Variants in HSD17B2 observed in about 807,000 individuals in gnomAD.
The protein encoded by HSD17B2 is hydroxysteroid 17-beta dehydrogenase 2.
HSD17B2 carries 32 observed loss-of-function variants against 26.9 expected under a neutral mutation model. The ratio of observed to expected loss-of-function variants is 1.19; its 90% CI spans 0.90 to 1.60. The LOEUF is 1.60. Ranked by LOEUF, HSD17B2 falls within the 40% of genes most tolerant of loss-of-function variation. The pLI is 0.00. For missense variants in HSD17B2, 613 were observed against 468.6 expected (o/e 1.31, Z -2.85); for synonymous variants, 246 against 186.7 (o/e 1.32, Z -2.59).
chr16:82,077,067 A>G (rs536782913), intron 3 of HSD17B2, among the ~76,000 whole-genome samples: 2 of 152,368 alleles, frequency 1.3e-5, no homozygotes, highest in South Asian at 4.1e-4. Flanking sequence ...GGAAAAATCA[A>G]TATTGTTAAA....
intron 3 of HSD17B2, chr16:82,071,379 T>C: frequency 1.9e-6 from 1 of 535,590 alleles, no homozygotes; most frequent in South Asian, 2.0e-5. Flanking sequence ...TTATATGTCT[T>C]TATAATGTGA....
chr16:82,066,080 T>TCA (rs1217130034), intron 1 of HSD17B2, among the ~76,000 whole-genome samples: 1 of 152,174 alleles, frequency 6.6e-6, no homozygotes, highest in Non-Finnish European at 1.5e-5. Flanking sequence ...GGAACTGGGC[T>TCA]CACAAAATGG....
chr16:82,075,785 T>A (rs913225305), intron 3 of HSD17B2, among the ~76,000 whole-genome samples: 3 of 151,956 alleles, frequency 2.0e-5, no homozygotes, highest in Non-Finnish European at 2.9e-5. Context: ...TTTACCAAAC[T>A]TTTAAAGAAG....
intron 3 of HSD17B2, among the ~76,000 whole-genome samples, chr16:82,085,796 G>A (rs1904511651): frequency 6.6e-6 from 1 of 151,954 alleles, no homozygotes; most frequent in Non-Finnish European, 1.5e-5. Context: ...ACTAATCCCC[G>A]GACCACATTT....
chr16:82,037,790 A>T (rs1015089032), intron 1 of HSD17B2, among the ~76,000 whole-genome samples: 1 of 152,234 alleles, frequency 6.6e-6, no homozygotes, highest in African/African-American at 2.4e-5. Flanking sequence ...AAAGGAAAAC[A>T]CACAGGAAAT....
intron 1 of HSD17B2, among the ~76,000 whole-genome samples, chr16:82,042,203 C>G (rs542063845): frequency 6.6e-6 from 1 of 151,678 alleles, no homozygotes; most frequent in African/African-American, 2.4e-5. Context: ...GGGGGTTACG[C>G]CATTTTGACC....
In HSD17B2 at chr16:82,035,566, T is replaced by C. The variant is rs373854262; in HGVS notation, c.142T>C (p.Cys48Arg). The C allele has an allele frequency of 6.2e-7, 1 of 1,614,134 alleles. No homozygotes were observed. The highest frequency in any genetic ancestry group is 2.2e-5 in the East Asian group (1 of 44,880). ...MVCLAGLCAV[C>R]LLILSPFWGL... The stretch of plus-strand genomic sequence containing the variant: ...CTGCCTGGCAGGCCTCTGTGCAGTC[T>C]GCCTGCTCATCCTGTCCCCTTTTTG... Residue 48 changes from cysteine (C) to arginine (R), a missense_variant, in exon 1 of 5, where the codon TGC becomes CGC. Transcript: ENST00000199936.
rs1187406565 is a variant in HSD17B2, at chr16:82,097,954, A to T, written c.803-121A>T. ...CTCTGTATCCCAAAAATAAAAAAAT[A>T]AAAAAATAAATAAATAAACGTCATT... On this transcript the variant is annotated intron_variant, in intron 4 of 4. Transcript: ENST00000199936. The T allele has an allele frequency of 1.5e-5, 14 of 906,158 alleles. No homozygotes were observed. The East Asian group carries it at 2.9e-4, about 19-fold the overall frequency. The allele number at this position is 906,158 out of a possible 1,614,324, so 56.1% of individuals were successfully genotyped here.
rs926482194 is a variant in HSD17B2 at position 82,041,812 on chromosome 16, C to T, written c.265+6123C>T. 5.9e-5 allele frequency among the ~76,000 whole-genome samples: 9 copies of T among 152,278 alleles called. No individual in the cohort carries two copies. The South Asian group carries it at 1.2e-3, about 21-fold the overall frequency. On this transcript the variant is annotated intron_variant, in intron 1 of 4. Transcript: ENST00000199936. Reference sequence around the variant, plus strand: ...TTCTCTACCCAGCAGCAAAGTCATACCTGCTCCTGTGGTATCAATTATCTC... The same window carrying T: ...TTCTCTACCCAGCAGCAAAGTCATATCTGCTCCTGTGGTATCAATTATCTC...
intron 3 of HSD17B2, among the ~76,000 whole-genome samples, chr16:82,077,023 C>T (rs547764578): frequency 3.3e-5 from 5 of 152,190 alleles, no homozygotes; most frequent in Admixed American, 6.5e-5. Flanking sequence ...GAAGAGGACA[C>T]AAAAGATTGA....
chr16:82,079,635 T>C (rs929306277), intron 3 of HSD17B2, among the ~76,000 whole-genome samples: 16 of 152,188 alleles, frequency 1.1e-4, no homozygotes, highest in Non-Finnish European at 2.2e-4. Context: ...AACACTGTAA[T>C]TGATAAGGGA....
chr16:82,090,131 C>G (rs1904641077), intron 3 of HSD17B2: 1 of 625,930 alleles, frequency 1.6e-6, no homozygotes, highest in African/African-American at 2.0e-5. Flanking sequence ...TTCCTCGTTG[C>G]AACAAGTATT....
chr16:82,039,195 T>G (rs1429988148), intron 1 of HSD17B2, among the ~76,000 whole-genome samples: 3 of 151,844 alleles, frequency 2.0e-5, no homozygotes, highest in Non-Finnish European at 4.4e-5. Context: ...TAAACTTTGG[T>G]GCTCGGTTTT....
chr16:82,037,842 A>G (rs1406431375), intron 1 of HSD17B2, among the ~76,000 whole-genome samples: 1 of 152,192 alleles, frequency 6.6e-6, no homozygotes, highest in African/African-American at 2.4e-5. Context: ...AAATGCATAG[A>G]TTCCTGGGCT....
intron 3 of HSD17B2, among the ~76,000 whole-genome samples, chr16:82,080,192 G>T (rs895951068): frequency 6.6e-6 from 1 of 152,178 alleles, no homozygotes; most frequent in Admixed American, 6.5e-5. Context: ...TTGTGAGTAG[G>T]CAGCTGGTCT....
intron 4 of HSD17B2, chr16:82,093,539 A>T (rs562559816): frequency 6.6e-6 from 1 of 152,334 alleles, no homozygotes; most frequent in South Asian, 2.1e-4. Context: ...AAGTATGAAC[A>T]ATGCAGCTAT....
At chr16:82,048,088 TA>T (rs2143930955) in intron 1 of HSD17B2, among the ~76,000 whole-genome samples, 1 of 152,284 alleles carries the variant, frequency 6.6e-6, no homozygotes, top group South Asian at 2.1e-4. Context: ...GAAATGAGGC[TA>T]AAATACAAGA....
intron 3 of HSD17B2, among the ~76,000 whole-genome samples, chr16:82,089,097 A>T (rs60567424): frequency 0.079 from 12,007 of 152,106 alleles, 859 homozygotes; most frequent in Admixed American, 0.23. Context: ...GCTTCAAAAT[A>T]CGAATTTTGA....
chr16:82,084,941 C>G (rs1904482930), intron 3 of HSD17B2, among the ~76,000 whole-genome samples: 1 of 152,166 alleles, frequency 6.6e-6, no homozygotes, highest in Admixed American at 6.5e-5. Flanking sequence ...CTAGGACGGT[C>G]TTGAACTCCT....
Sources: allele counts gnomAD v4.1 joint callset (sites outside exome capture counted in the v4.1 genomes callset), GRCh38; gene constraint gnomAD v4.1.1; transcripts MANE v1.5; gene names NCBI Gene and HGNC (gene_info 2026-07-23, HGNC 2026-07-21).